The following SPAG16 variants were observed in gnomAD, a reference collection of about 807,000 sequenced individuals.
SPAG16 encodes sperm-associated antigen 16 protein.
A neutral mutation model predicts 80.4 loss-of-function variants in SPAG16; 86 were observed. That is an observed-to-expected ratio of 1.07 (90% CI 0.90 to 1.28). The LOEUF is 1.28. Ranked by LOEUF, SPAG16 falls within the 50% of genes most tolerant of loss-of-function variation. SPAG16 has a pLI of 0.00. For synonymous variants in SPAG16, 294 were observed against 265.9 expected, an observed-to-expected ratio of 1.11 and a Z score of -1.03; for missense variants, 870 against 765.3, an observed-to-expected ratio of 1.14 and a Z score of -1.61.
chr2:213,457,700 C>G (rs1411906950), intron 9 of SPAG16, among the ~76,000 whole-genome samples: 2 of 152,032 alleles, frequency 1.3e-5, no homozygotes, highest in East Asian at 3.8e-4. Context: ...TATTTTTAAT[C>G]TACATATTTT....
At chr2:214,297,141 T>A (rs1694191008) in intron 15 of SPAG16, among the ~76,000 whole-genome samples, 2 of 152,168 alleles carry the variant, frequency 1.3e-5, no homozygotes, top group Admixed American at 1.3e-4. Flanking sequence ...CTAACACATG[T>A]ACTTTTTAAT....
At chr2:214,070,995 C>T (rs532008442) in intron 13 of SPAG16, among the ~76,000 whole-genome samples, 18 of 152,118 alleles carry the variant, frequency 1.2e-4, no homozygotes, top group Non-Finnish European at 1.5e-4. Context: ...CTGCCCTACC[C>T]GGAAACTGTA....
intron 13 of SPAG16, among the ~76,000 whole-genome samples, chr2:214,050,570 T>C (rs1195643611): frequency 6.6e-6 from 1 of 152,162 alleles, no homozygotes; most frequent in African/African-American, 2.4e-5. Flanking sequence ...GAATTGGGAC[T>C]CTTTTTAAGT....
chr2:213,525,287 T>A (rs2075845632), intron 10 of SPAG16, among the ~76,000 whole-genome samples: 1 of 124,218 alleles, frequency 8.1e-6, no homozygotes, highest in Non-Finnish European at 1.6e-5. Context: ...TCCTTTTCTT[T>A]TTTTTTTTTT....
At chr2:213,933,911 C>G (rs546041836) in intron 12 of SPAG16, among the ~76,000 whole-genome samples, 10 of 152,292 alleles carry the variant, frequency 6.6e-5, no homozygotes. Context: ...AAACTATGAG[C>G]CTATCCTTAA....
intron 11 of SPAG16, among the ~76,000 whole-genome samples, chr2:213,895,275 G>A (rs1357283727): frequency 3.3e-5 from 5 of 151,956 alleles, no homozygotes; most frequent in Non-Finnish European, 7.4e-5. Flanking sequence ...AAAGAGGACA[G>A]AAACAAATGA....
At chr2:214,243,284 T>G (rs1689618477) in intron 15 of SPAG16, among the ~76,000 whole-genome samples, 1 of 152,136 alleles carries the variant, frequency 6.6e-6, no homozygotes, top group South Asian at 2.1e-4. Context: ...ATCTTTTCAG[T>G]GGTCCCTTAA....
chr2:214,198,768 A>AT (rs943139528), intron 15 of SPAG16, among the ~76,000 whole-genome samples: 3 of 151,504 alleles, frequency 2.0e-5, no homozygotes, highest in East Asian at 1.9e-4. Flanking sequence ...GCCAACATCT[A>AT]TTTTTTTTAT....
At chr2:213,919,775 G>C (rs79308629) in intron 11 of SPAG16, among the ~76,000 whole-genome samples, 1 of 152,056 alleles carries the variant, frequency 6.6e-6, no homozygotes, top group African/African-American at 2.4e-5. Flanking sequence ...TATTTGTTTT[G>C]GGAGGGGAGA....
chr2:213,790,413 G>A (rs1379015379), intron 10 of SPAG16, among the ~76,000 whole-genome samples: 2 of 151,830 alleles, frequency 1.3e-5, no homozygotes, highest in African/African-American at 2.4e-5. Context: ...TAGCTTCAAT[G>A]TTCTCCATAA....
At chr2:213,834,492 C>T (rs2073969591) in intron 10 of SPAG16, among the ~76,000 whole-genome samples, 1 of 152,130 alleles carries the variant, frequency 6.6e-6, no homozygotes. Flanking sequence ...TCCTGTGTAG[C>T]ATTTCTTCCT....
chr2:213,535,467 T>C (rs181162801), intron 10 of SPAG16, among the ~76,000 whole-genome samples: 2 of 152,260 alleles, frequency 1.3e-5, no homozygotes, highest in Non-Finnish European at 2.9e-5. Flanking sequence ...ATGTCTGTTT[T>C]CCTTTGCATT....
intron 10 of SPAG16, among the ~76,000 whole-genome samples, chr2:213,588,602 A>T (rs987439350): frequency 6.6e-6 from 1 of 151,474 alleles, no homozygotes; most frequent in Non-Finnish European, 1.5e-5. Context: ...GGAGATCGAG[A>T]CCATCCTGGC....
At chr2:213,807,116 C>A (rs2125655844) in intron 10 of SPAG16, among the ~76,000 whole-genome samples, 1 of 152,262 alleles carries the variant, frequency 6.6e-6, no homozygotes, top group African/African-American at 2.4e-5. Context: ...AAATTTGACT[C>A]TTCTTTACCA....
chr2:213,525,408 C>T (rs145987158), intron 10 of SPAG16, among the ~76,000 whole-genome samples: 89 of 150,980 alleles, frequency 5.9e-4, no homozygotes, highest in Middle Eastern at 3.4e-3. Context: ...TCTGCCTCAG[C>T]CTCCCAAGTA....
At chr2:213,402,389 A>C (rs904862785) in intron 9 of SPAG16, among the ~76,000 whole-genome samples, 9 of 151,872 alleles carry the variant, frequency 5.9e-5, no homozygotes, top group Non-Finnish European at 1.3e-4. Context: ...TTATCTCCTT[A>C]TGCTCAATTC....
At chr2:213,884,466 C>A (rs2076476772) in intron 11 of SPAG16, among the ~76,000 whole-genome samples, 1 of 152,112 alleles carries the variant, frequency 6.6e-6, no homozygotes, top group Admixed American at 6.6e-5. Context: ...AACCTGATGG[C>A]TATATCTTAG....
intron 12 of SPAG16, among the ~76,000 whole-genome samples, chr2:213,940,816 G>A (rs1471517934): frequency 5.9e-5 from 9 of 152,024 alleles, no homozygotes; most frequent in Admixed American, 5.9e-4. Context: ...CACATAAATT[G>A]TATATGCAAT....
chr2:214,280,873 C>G (rs1005637115), intron 15 of SPAG16: 1 of 426,204 alleles, frequency 2.3e-6, no homozygotes. Context: ...TTGTAAGCAT[C>G]TTCATCTTCC....
Sources: gnomAD v4.1 joint callset for allele counts (sites outside exome capture counted in the v4.1 genomes callset) on GRCh38, gnomAD v4.1.1 for gene constraint, MANE v1.5 for transcripts, NCBI Gene and HGNC (gene_info 2026-07-23, HGNC 2026-07-21) for gene names.